ZNF83: variants seen among roughly 807,000 people sequenced by gnomAD.
ZNF83 encodes the protein zinc finger protein 816B.
For synonymous variants in ZNF83, 209 were observed against 213.0 expected (o/e 0.98, Z 0.17); for missense variants, 552 against 629.9 (o/e 0.88, Z 1.32).
At chr19:52,645,389 G>A (rs547597388) in intron 3 of ZNF83, among the ~76,000 whole-genome samples, 49 of 152,128 alleles carry the variant, frequency 3.2e-4, no homozygotes, top group Admixed American at 3.2e-3. Context: ...ACAAATTCTG[G>A]GGTCAACAGG....
chr19:52,637,868 G>A (rs2061204392), intron 1 of ZNF83, among the ~76,000 whole-genome samples: 1 of 152,126 alleles, frequency 6.6e-6, no homozygotes, highest in African/African-American at 2.4e-5. Context: ...GTGGGGGGGA[G>A]ACGGCGCCTT....
chr19:52,643,723 C>A lies in ZNF83; in HGVS notation c.-73-8570G>T, dbSNP rs189570615. 1.4e-3 allele frequency among the ~76,000 whole-genome samples: 209 copies of A among 151,656 alleles called. 1 individual carries two copies. Among genetic ancestry groups the A allele is most frequent in the Non-Finnish European group, 2.2e-3 (152 of 67,840 alleles). ...TCTTAAAAAAGAAAAAAAAAAAATT[C>A]CTGAGTAACGTGAGAGACTGACAGG... is the stretch of plus-strand genomic sequence containing the variant. On this transcript the variant is annotated intron_variant, in intron 3 of 5. Transcript: ENST00000594682.
At chr19:52,680,827 T>C (rs2061903769) in intron 1 of ZNF83, among the ~76,000 whole-genome samples, 1 of 150,422 alleles carries the variant, frequency 6.6e-6, no homozygotes, top group Non-Finnish European at 1.5e-5. Flanking sequence ...TTAGCCAGGA[T>C]GGTCTCGATC....
At chr19:52,616,852 G>GA in intron 2 of ZNF83, 4 of 151,596 alleles carry the variant, frequency 2.6e-5, no homozygotes, top group African/African-American at 4.8e-5. Flanking sequence ...CTCGGAAAAA[G>GA]AAAAAAAAGA....
chr19:52,680,794 A>T (rs1028661285), intron 1 of ZNF83, among the ~76,000 whole-genome samples: 1 of 147,492 alleles, frequency 6.8e-6, no homozygotes, highest in African/African-American at 2.6e-5. Context: ...TTGTATTTTT[A>T]GTAGAGACGG....
chr19:52,676,663 TG>T (rs1344005677), intron 1 of ZNF83, among the ~76,000 whole-genome samples: 1 of 139,808 alleles, frequency 7.2e-6, no homozygotes, highest in Non-Finnish European at 1.6e-5. Context: ...AGGATGACAA[TG>T]GCGGCTTTGT....
At chr19:52,676,243 G>A (rs150298757) in intron 1 of ZNF83, among the ~76,000 whole-genome samples, 17,791 of 152,176 alleles carry the variant, frequency 0.12, 1,251 homozygotes, top group Non-Finnish European at 0.15. Flanking sequence ...TCGGCCTCCC[G>A]AGGTGCCGGG....
At chr19:52,647,227 G>C (rs2061383501) in intron 3 of ZNF83, among the ~76,000 whole-genome samples, 1 of 152,156 alleles carries the variant, frequency 6.6e-6, no homozygotes, top group Non-Finnish European at 1.5e-5. Flanking sequence ...GGGATTCCAA[G>C]TGAAAACTAA....
intron 2 of ZNF83, among the ~76,000 whole-genome samples, chr19:52,633,730 G>A (rs62118518): frequency 2.7e-5 from 4 of 150,032 alleles, no homozygotes; most frequent in South Asian, 4.3e-4. Flanking sequence ...GGCCAACATG[G>A]AGAAACCTCA....
chr19:52,617,728 C>CAAAAAAAAA (rs60669262), intron 2 of ZNF83: 3 of 118,960 alleles, frequency 2.5e-5, no homozygotes, highest in African/African-American at 9.2e-5. Context: ...GAGATTGTCT[C>CAAAAAAAAA]AAAAAAAAAA....
chr19:52,669,611 G>A (rs1384761148), intron 1 of ZNF83, among the ~76,000 whole-genome samples: 2 of 152,184 alleles, frequency 1.3e-5, no homozygotes, highest in African/African-American at 4.8e-5. Flanking sequence ...GTAAAACAAA[G>A]ACATTGCAAG....
At chr19:52,652,592 C>T (rs1030083944) in intron 3 of ZNF83, 3 of 435,366 alleles carry the variant, frequency 6.9e-6, no homozygotes, top group African/African-American at 6.1e-5. Flanking sequence ...CACTGATGAA[C>T]TGCAAGCTAT....
At chr19:52,651,832 G>A (rs1335004436) in intron 3 of ZNF83, 1 of 156,068 alleles carries the variant, frequency 6.4e-6, no homozygotes, top group African/African-American at 2.4e-5. Context: ...GCCTCCCAAA[G>A]TGCTGGGATT....
exon 3 of ZNF83, chr19:52,614,366 T>C: frequency 6.2e-7 from 1 of 1,612,892 alleles, no homozygotes; most frequent in Non-Finnish European, 8.5e-7. Context: ...GTATGAGAAA[T>C]GTGGGTTTTG....
chr19:52,672,637 T>C (rs904259168), intron 1 of ZNF83, among the ~76,000 whole-genome samples: 6 of 152,216 alleles, frequency 3.9e-5, no homozygotes, highest in African/African-American at 1.4e-4. Flanking sequence ...TTGGTTCTTG[T>C]TGCCTAGGCT....
intron 2 of ZNF83, among the ~76,000 whole-genome samples, chr19:52,658,668 C>T (rs1027926088): frequency 2.0e-5 from 3 of 152,184 alleles, no homozygotes; most frequent in Admixed American, 6.5e-5. Context: ...AATAATTGAA[C>T]AGGCTGAAGG....
At chr19:52,623,327 G>A (rs1317547608) in intron 2 of ZNF83, among the ~76,000 whole-genome samples, 1 of 152,056 alleles carries the variant, frequency 6.6e-6, no homozygotes, top group Non-Finnish European at 1.5e-5. Flanking sequence ...ATTGATACAG[G>A]GGCTAACCAC....
Position 52,619,266 on chromosome 19 carries a change from T to G in ZNF83, c.-233-4469A>C, listed in dbSNP as rs371633383. ...GTCATAATACCCTCTTGTTATAAAT[T>G]TATTATGTTTGTGAAGAATACAAGA... On this transcript the variant is annotated intron_variant, in intron 2 of 2. Transcript: ENST00000301096. 2.7e-4 allele frequency among the ~76,000 whole-genome samples: 41 copies of G among 152,308 alleles called. 1 individual carries two copies. The highest frequency in any genetic ancestry group is 9.6e-4 in the African/African-American group (40 of 41,566).
rs191116518 is a variant in ZNF83 at position 52,675,448 on chromosome 19, C to T, written c.-282-14605G>A. ...GAGCTGGGACACAAGCGCTGAGCTGCGCTGCTGACAGTGGTTCTGAAGCCA... is the reference window on the plus strand; with the variant it reads ...GAGCTGGGACACAAGCGCTGAGCTGTGCTGCTGACAGTGGTTCTGAAGCCA... On this transcript the variant is annotated intron_variant, in intron 1 of 5. Coordinates refer to the ZNF83 transcript ENST00000594682. Among the ~76,000 whole-genome samples the T allele has an allele frequency of 3.5e-3, 533 of 152,262 alleles. 1 individual carries two copies. The highest frequency in any genetic ancestry group is 6.0e-3 in the Non-Finnish European group (407 of 68,034).
Sources: allele counts gnomAD v4.1 joint callset (sites outside exome capture counted in the v4.1 genomes callset), GRCh38; gene constraint gnomAD v4.1.1; transcripts MANE v1.5; gene names NCBI Gene and HGNC (gene_info 2026-07-23, HGNC 2026-07-21).